Variants in ZC3H7A observed in about 807,000 individuals in gnomAD.
ZC3H7A encodes zinc finger CCCH-type containing 7A, also known as zinc finger CCCH domain-containing protein 7A.
ZC3H7A carries 44 observed loss-of-function variants against 125.5 expected under a neutral mutation model. The observed-to-expected ratio is 0.35, with a 90% CI of 0.28 to 0.45. The LOEUF is 0.45. Ranked by LOEUF, ZC3H7A falls within the 20% of genes least tolerant of loss-of-function variation. The pLI, the probability that ZC3H7A is intolerant of heterozygous loss-of-function variation, is 1.00. For missense variants in ZC3H7A, 977 were observed against 1,170.7 expected (o/e 0.83, Z 2.41); for synonymous variants, 399 against 391.2 (o/e 1.02, Z -0.23).
In ZC3H7A at chr16:11,767,536, T is replaced by C. The variant is rs758723722; in HGVS notation, c.1403A>G (p.His468Arg). The change falls in exon 13 of 23, where the codon CAT becomes CGT. Residue 468 changes from histidine (H) to arginine (R), a missense_variant. Coordinates refer to ENST00000355758, the MANE Select transcript of ZC3H7A (RefSeq NM_014153.4). ...GATTAAAATATCTTTCTTACACTTA[T>C]GATCTATGTTAGCATGGTAAGTGAA... Reference protein sequence around the residue: ...MDFTYHANIDHKCKKDILIGR... With the variant: ...MDFTYHANIDRKCKKDILIGR... 1 of 1,611,388 alleles carries C rather than the reference T, an allele frequency of 6.2e-7. No individual in the cohort carries two copies.
intron 1 of ZC3H7A, among the ~76,000 whole-genome samples, chr16:11,795,581 G>A (rs1039152357): frequency 6.6e-6 from 1 of 151,444 alleles, no homozygotes; most frequent in Admixed American, 6.6e-5. Flanking sequence ...GATTACAGGC[G>A]CCTGCCACCA....
At chr16:11,797,042 C>A (rs1355074439) in intron 1 of ZC3H7A, 82 bp downstream of exon 1, 1 of 135,606 alleles carries the variant, frequency 7.4e-6, no homozygotes, top group Admixed American at 7.4e-5. Flanking sequence ...CGCGCGAGCA[C>A]GAGGCGGCGG....
intron 4 of ZC3H7A, among the ~76,000 whole-genome samples, chr16:11,778,175 G>A (rs964751088): frequency 6.6e-6 from 1 of 151,902 alleles, no homozygotes; most frequent in African/African-American, 2.4e-5. Flanking sequence ...GGTGGCTCAC[G>A]CCTGTAATCC....
In ZC3H7A at chr16:11,768,481, C is replaced by T; in HGVS notation, c.1194G>A (p.Leu398=). 1 of 1,404,124 alleles carries T rather than the reference C, an allele frequency of 7.1e-7. No homozygotes were observed. The highest frequency in any genetic ancestry group is 9.4e-7 in the Non-Finnish European group (1 of 1,062,190). The allele number at this position is 1,404,124 out of a possible 1,614,324, so 87.0% of individuals were successfully genotyped here. Residue 398 remains leucine (L), a synonymous_variant, in exon 12 of 23, where the codon TTG becomes TTA. Coordinates refer to ENST00000355758, the MANE Select transcript of ZC3H7A (RefSeq NM_014153.4). ...TTCCCAGGAAATTCTCTGAAGCAAA[C>T]AAACTACCTGGTCCATTCATCTGCA... ...SLLLMNGPGS[L]FASENFLGIS...
chr16:11,768,786 G>C (rs952408972), intron 11 of ZC3H7A, among the ~76,000 whole-genome samples: 4 of 151,970 alleles, frequency 2.6e-5, no homozygotes, highest in African/African-American at 9.7e-5. Flanking sequence ...ATATTTCCTT[G>C]ATTTGTTTAT....
intron 1 of ZC3H7A, among the ~76,000 whole-genome samples, chr16:11,787,839 G>A (rs537308886): frequency 4.6e-5 from 7 of 151,878 alleles, no homozygotes; most frequent in South Asian, 2.1e-4. Context: ...CCAGCTACTC[G>A]GAAGGCTGAG....
chr16:11,752,844 CA>C lies in ZC3H7A; in HGVS notation c.2563-13del, dbSNP rs1196496675. On this transcript the variant is annotated splice_polypyrimidine_tract_variant and intron_variant, in intron 21 of 22. Transcript: ENST00000355758. ...CAGTGAAAGTCCACCTAATGTGCAGCAAAGACACATGTCCCATTAGTCACCT... is the reference window on the plus strand; with the variant it reads ...CAGTGAAAGTCCACCTAATGTGCAGCAAGACACATGTCCCATTAGTCACCT... 6.2e-7 allele frequency: 1 copy of C among 1,609,856 alleles called. No homozygotes were observed. Among genetic ancestry groups the C allele is most frequent in the East Asian group, 2.2e-5 (1 of 44,862 alleles).
Position 11,775,206 on chromosome 16 carries a change from A to C in ZC3H7A, c.586-193T>G, listed in dbSNP as rs574161221. On this transcript the variant is annotated intron_variant, in intron 7 of 22. Transcript: ENST00000355758. Reference sequence around the variant, plus strand: ...GCCAACATGGTGAAACCCTGTCTCTACTAAAAATACAAAAATTAGCCAGGC... The same window carrying C: ...GCCAACATGGTGAAACCCTGTCTCTCCTAAAAATACAAAAATTAGCCAGGC... Among the ~76,000 whole-genome samples, 656 of 152,092 alleles carry C rather than the reference A, an allele frequency of 4.3e-3. 4 individuals are homozygous for C. Among genetic ancestry groups the C allele is most frequent in the Non-Finnish European group, 6.2e-3 (424 of 67,960 alleles).
chr16:11,781,820 G>A lies in ZC3H7A; in HGVS notation c.69-356C>T, dbSNP rs140865347. Among the ~76,000 whole-genome samples the A allele has an allele frequency of 4.7e-3, 719 of 152,098 alleles. 9 individuals carry two copies. Among genetic ancestry groups the A allele is most frequent in the African/African-American group, 0.016 (682 of 41,440 alleles). The stretch of plus-strand genomic sequence containing the variant: ...ATTTGATCCAATTTACTGCAGTATA[G>A]AGAGAATGTCTCCTTCCCAGGAAGG... On this transcript the variant is annotated intron_variant, in intron 2 of 22. Coordinates refer to ENST00000355758, the MANE Select transcript of ZC3H7A (RefSeq NM_014153.4).
intron 9 of ZC3H7A, among the ~76,000 whole-genome samples, chr16:11,772,545 G>T (rs1186317798): frequency 6.6e-6 from 1 of 151,742 alleles, no homozygotes; most frequent in Non-Finnish European, 1.5e-5. Context: ...CACAGAGCTG[G>T]TAAGAATCAA....
At chr16:11,772,149 C>T (rs1305983167) in intron 9 of ZC3H7A, among the ~76,000 whole-genome samples, 3 of 151,082 alleles carry the variant, frequency 2.0e-5, no homozygotes, top group Admixed American at 1.3e-4. Flanking sequence ...GAGCCAAGAT[C>T]GCACCACTGC....
chr16:11,755,209 CAAA>C (rs71136681), intron 21 of ZC3H7A, among the ~76,000 whole-genome samples: 3 of 96,810 alleles, frequency 3.1e-5, no homozygotes, highest in African/African-American at 3.6e-5. Context: ...GACTCCATCT[CAAA>C]AAAAAAAAAA....
At chr16:11,786,472 T>C (rs1325400819) in intron 1 of ZC3H7A, among the ~76,000 whole-genome samples, 1 of 152,236 alleles carries the variant, frequency 6.6e-6, no homozygotes, top group African/African-American at 2.4e-5. Context: ...TAGTGATATC[T>C]GCCAAGTTTA....
intron 21 of ZC3H7A, 135 bp from the exon 22 acceptor site, chr16:11,752,967 C>A (rs975975803): frequency 8.9e-7 from 1 of 1,119,096 alleles, no homozygotes; most frequent in Admixed American, 2.5e-5. Context: ...AGGAAAGGAC[C>A]ACAGCATGGG....
At chr16:11,774,850 C>T in intron 8 of ZC3H7A, 130 bp downstream of exon 8, 1 of 1,139,820 alleles carries the variant, frequency 8.8e-7, no homozygotes, top group Non-Finnish European at 1.3e-6. Flanking sequence ...AAATCATTTT[C>T]ACTTTCATAT....
intron 2 of ZC3H7A, among the ~76,000 whole-genome samples, chr16:11,781,931 C>G (rs980525996): frequency 3.9e-5 from 6 of 152,148 alleles, no homozygotes; most frequent in African/African-American, 1.4e-4. Flanking sequence ...CAATTAAACA[C>G]TGAGCTTCTG....
chr16:11,778,329 C>T (rs575697295), intron 4 of ZC3H7A, among the ~76,000 whole-genome samples: 15 of 149,234 alleles, frequency 1.0e-4, no homozygotes, highest in Non-Finnish European at 1.9e-4. Context: ...CCCAGCTACT[C>T]GGGAGGCCGA....
intron 11 of ZC3H7A, 94 bp downstream of exon 11, chr16:11,768,937 A>AG: frequency 7.8e-7 from 1 of 1,274,412 alleles, no homozygotes; most frequent in Non-Finnish European, 1.1e-6. Flanking sequence ...ACAAAATTTA[A>AG]GGGAGACTGT....
intron 9 of ZC3H7A, among the ~76,000 whole-genome samples, 170 bp from the exon 10 acceptor site, chr16:11,771,157 G>T (rs1177034589): frequency 1.3e-5 from 2 of 152,134 alleles, no homozygotes; most frequent in Non-Finnish European, 2.9e-5. Flanking sequence ...GGAGGCTACG[G>T]CAGGCGGACT....
Sources: allele counts gnomAD v4.1 joint callset (sites outside exome capture counted in the v4.1 genomes callset), GRCh38; gene constraint gnomAD v4.1.1; transcripts MANE v1.5; gene names NCBI Gene and HGNC (gene_info 2026-07-23, HGNC 2026-07-21).